Variants in DBN1 observed in about 807,000 individuals in gnomAD.
The protein encoded by DBN1 is drebrin.
A neutral mutation model predicts 83.5 loss-of-function variants in DBN1; 21 were observed. The observed-to-expected ratio is 0.25, with a 90% CI of 0.18 to 0.36. DBN1 has a LOEUF of 0.36. Ranked by LOEUF, DBN1 falls within the 10% of genes least tolerant of loss-of-function variation. The probability of loss-of-function intolerance (pLI) is 1.00; values close to 1 mark genes in which losing one functional copy is unlikely to be tolerated. For synonymous variants in DBN1, 381 were observed against 384.9 expected, an observed-to-expected ratio of 0.99 and a Z score of 0.12; for missense variants, 874 against 935.7, an observed-to-expected ratio of 0.93 and a Z score of 0.86.
At chr5:177,460,333 G>A in intron 10 of DBN1, 99 bp downstream of exon 10, 3 of 1,560,864 alleles carry the variant, frequency 1.9e-6, no homozygotes, top group Non-Finnish European at 2.6e-6. Context: ...CTTCTCCAAG[G>A]GTTGCTTGGG....
chr5:177,467,098 G>C lies in DBN1; in HGVS notation c.556-36C>G. On this transcript the variant is annotated intron_variant, in intron 6 of 14. Coordinates refer to ENST00000393565, the MANE Select transcript of DBN1 (RefSeq NM_001363541.2). This position sits in a 1 kb window ranked among gnomAD's most constrained non-coding sequence, Gnocchi z 9.1. ...CGGTGCGAACAAGGGTAGGCCCCGA[G>C]CCTAGGCGCCTGGACCCTGCCCCTC... The C allele has an allele frequency of 5.6e-6, 9 of 1,612,706 alleles. No individual in the cohort carries two copies. Among genetic ancestry groups the C allele is most frequent in the Non-Finnish European group, 7.6e-6 (9 of 1,179,700 alleles).
intron 8 of DBN1, among the ~76,000 whole-genome samples, chr5:177,463,949 T>C (rs1757225306): frequency 6.6e-6 from 1 of 151,608 alleles, no homozygotes; most frequent in South Asian, 2.1e-4. Context: ...ACCCTGTCTC[T>C]ACTAAAAATA....
chr5:177,472,042 G>GC, intron 1 of DBN1: 1 of 1,499,610 alleles, frequency 6.7e-7, no homozygotes, highest in Non-Finnish European at 8.9e-7. Context: ...CATGATCTCA[G>GC]CCCCCCTGGG....
chr5:177,466,647 C>T lies in DBN1; in HGVS notation c.771+125G>A. The T allele has an allele frequency of 9.1e-7, 1 of 1,095,258 alleles. No individual in the cohort carries two copies. The highest frequency in any genetic ancestry group is 1.4e-6 in the Non-Finnish European group (1 of 713,054). The allele number at this position is 1,095,258 out of a possible 1,614,324, so 67.8% of individuals were successfully genotyped here. On this transcript the variant is annotated intron_variant, in intron 8 of 14. Coordinates refer to ENST00000393565, the MANE Select transcript of DBN1 (RefSeq NM_001363541.2). This position sits in a 1 kb window ranked among gnomAD's most constrained non-coding sequence, Gnocchi z 4.8. ...CCTCATGCTCCATGGCACCCTGTGC[C>T]CATGCAGCTCCCCAGAACAGCCACC...
rs772442544 is a variant in DBN1, at chr5:177,458,174, G to A, written c.1798C>T (p.Leu600=). ...AGAGTTGGGGTCTGGGGGGCAGCCA[G>A]GGACTCCCCTTCCACTTCCTCTGGG... ...CDPEEVEGES[L]AAPQTPTLPS... The change falls in exon 13 of 15, where the codon CTG becomes TTG. Residue 600 remains leucine (L), a synonymous_variant. Coordinates refer to ENST00000393565, the MANE Select transcript of DBN1 (RefSeq NM_001363541.2). 3 of 1,612,840 alleles carry A rather than the reference G, an allele frequency of 1.9e-6. No individual in the cohort carries two copies. The highest frequency in any genetic ancestry group is 1.7e-6 in the Non-Finnish European group (2 of 1,179,732).
chr5:177,461,695 G>A (rs1757055369), intron 8 of DBN1, among the ~76,000 whole-genome samples: 1 of 152,078 alleles, frequency 6.6e-6, no homozygotes, highest in Non-Finnish European at 1.5e-5. Context: ...TTGCTGCCTG[G>A]ACCGTGGCAT....
intron 11 of DBN1, 63 bp from the exon 12 acceptor site, chr5:177,459,331 A>G: frequency 6.4e-7 from 1 of 1,568,146 alleles, no homozygotes; most frequent in Non-Finnish European, 8.5e-7. Flanking sequence ...AGGATTGTCC[A>G]CCTTGGGGCC....
chr5:177,470,132 C>A (rs1173776937), intron 1 of DBN1, among the ~76,000 whole-genome samples: 2 of 152,204 alleles, frequency 1.3e-5, no homozygotes, highest in African/African-American at 2.4e-5. Flanking sequence ...CGGCTTCCTA[C>A]CTCCAGGAAG....
chr5:177,467,676 C>T lies in DBN1; in HGVS notation c.331-49G>A, dbSNP rs374410313. 3.2e-6 allele frequency: 5 copies of T among 1,557,962 alleles called. No homozygotes were observed. Among genetic ancestry groups the T allele is most frequent in the East Asian group, 4.8e-5 (2 of 41,602 alleles). The stretch of plus-strand genomic sequence containing the variant: ...TCAGGCGGCACCATCCTCCCGCCAT[C>T]CCCACCCCAGCACGCAGACCCTGGT... On this transcript the variant is annotated intron_variant, in intron 4 of 14. Coordinates refer to ENST00000393565, the MANE Select transcript of DBN1 (RefSeq NM_001363541.2). This position sits in a 1 kb window ranked among gnomAD's most constrained non-coding sequence, Gnocchi z 9.1.
chr5:177,462,321 G>C, intron 8 of DBN1: 1 of 985,556 alleles, frequency 1.0e-6, no homozygotes, highest in Non-Finnish European at 1.2e-6. Context: ...CAGCATGGGA[G>C]ACTGGCCTCC....
rs1447660222 is a variant in DBN1, at chr5:177,459,259, A to G, written c.1103T>C (p.Leu368Pro). The G allele has an allele frequency of 6.2e-7, 1 of 1,607,072 alleles. No individual in the cohort carries two copies. The highest frequency in any genetic ancestry group is 8.5e-7 in the Non-Finnish European group (1 of 1,179,034). ...NLSSSLPCSHLDSHRRMAPTP... is the reference protein window; with the variant it reads ...NLSSSLPCSHPDSHRRMAPTP... ...GGGCGCCATCCTCCGGTGGCTGTCC[A>G]GGTGGCTGCCTGTGGAACAAACCCC... The change falls in exon 12 of 15, where the codon CTG (leucine) becomes CCG (proline). Residue 368 changes from leucine to proline, a missense_variant. Coordinates refer to ENST00000393565, the MANE Select transcript of DBN1 (RefSeq NM_001363541.2).
Position 177,466,350 on chromosome 5 carries a change from G to GGGAGATGCTGCTCCCAA in DBN1, c.771+405_771+421dup, listed in dbSNP as rs1000306866. On this transcript the variant is annotated intron_variant, in intron 8 of 14. Transcript: ENST00000393565. This position sits in a 1 kb window ranked among gnomAD's most constrained non-coding sequence, Gnocchi z 4.8. ...CCCTGGAACAAAGGGGCTGCTCCCAGGGAGATGCTGCTCCCAAGGAGATGG... is the reference window on the plus strand; with the variant it reads ...CCCTGGAACAAAGGGGCTGCTCCCAGGGAGATGCTGCTCCCAAGGAGATGCTGCTCCCAAGGAGATGG... Among the ~76,000 whole-genome samples the GGGAGATGCTGCTCCCAA allele has an allele frequency of 6.6e-6, 1 of 152,244 alleles. No homozygotes were observed. The highest frequency in any genetic ancestry group is 1.5e-5 in the Non-Finnish European group (1 of 68,042).
chr5:177,457,499 G>C lies in DBN1; in HGVS notation c.2022C>G (p.Ile674Met). 1.2e-6 allele frequency: 2 copies of C among 1,614,050 alleles called. No homozygotes were observed. The highest frequency in any genetic ancestry group is 1.7e-6 in the Non-Finnish European group (2 of 1,179,904). ...PPVFYNKPPEIDITCWDADPV... is the reference protein window; with the variant it reads ...PPVFYNKPPEMDITCWDADPV... ...GGTCTGCATCCCAGCATGTGATGTC[G>C]ATCTCTGTGGCGTTAGAAAGGGAGA... is the stretch of plus-strand genomic sequence containing the variant. The change falls in exon 15 of 15, where the codon ATC becomes ATG. Residue 674 changes from isoleucine (I) to methionine (M), a missense_variant. Transcript: ENST00000393565.
chr5:177,458,625 C>A lies in DBN1; in HGVS notation c.1347G>T (p.Glu449Asp). The A allele has an allele frequency of 6.2e-7, 1 of 1,608,214 alleles. No homozygotes were observed. The highest frequency in any genetic ancestry group is 1.1e-5 in the South Asian group (1 of 90,310). ...GGGGAGGCGCCTGTGCCTGAGGGGG[C>A]TCCTCCATGGGGCCGGCCCAGGCCT... The part of the protein sequence containing the change: ...APQAWAGPME[E>D]PPQAQAPPRG... The change falls in exon 13 of 15, where the codon GAG becomes GAT. Residue 449 changes from glutamate to aspartate, a missense_variant. Glu to Asp is a conservative substitution (Grantham distance 45). Around this residue, in one of 4 missense-constraint regions of DBN1, gnomAD observed 725 missense variants for 719.7 expected, o/e 1.01. Coordinates refer to ENST00000393565, the MANE Select transcript of DBN1 (RefSeq NM_001363541.2).
In DBN1 at chr5:177,460,507, A is replaced by G; in HGVS notation, c.880T>C (p.Phe294Leu). 1 of 1,614,200 alleles carries G rather than the reference A, an allele frequency of 6.2e-7. No individual in the cohort carries two copies. The highest frequency in any genetic ancestry group is 8.5e-7 in the Non-Finnish European group (1 of 1,180,022). The change falls in exon 10 of 15, where the codon TTC becomes CTC. Residue 294 changes from phenylalanine (F) to leucine (L), a missense_variant. Transcript: ENST00000393565. ...GATGCGACTCTTTCCTGCTGCTTGA[A>G]GAACTCCCTTGGGTTGTCAGGCCGC... ...AQRPDNPREF[F>L]KQQERVASAS...
At chr5:177,470,636 T>C (rs1757776356) in intron 1 of DBN1, among the ~76,000 whole-genome samples, 1 of 152,158 alleles carries the variant, frequency 6.6e-6, no homozygotes, top group South Asian at 2.1e-4. Flanking sequence ...AGCCTCTGCC[T>C]ATGTAGTTCT....
intron 8 of DBN1, chr5:177,462,135 G>C (rs1057038201): frequency 7.3e-6 from 6 of 822,538 alleles, no homozygotes; most frequent in Non-Finnish European, 8.8e-6. Context: ...GGTGGGCAGC[G>C]CCCGCACTTG....
Position 177,473,540 on chromosome 5 carries a change from CCGAA to C in DBN1, c.-23_-20del. ...CGGCCATGCTTCGGGCCGGACCGGGCCGAACGGACAGACGCGCGGACGGACGGGC... is the reference window on the plus strand; with the variant it reads ...CGGCCATGCTTCGGGCCGGACCGGGCCGGACAGACGCGCGGACGGACGGGC... On this transcript the variant is annotated 5_prime_UTR_variant, in exon 1 of 15. Coordinates refer to ENST00000393565, the MANE Select transcript of DBN1 (RefSeq NM_001363541.2). The C allele has an allele frequency of 7.2e-7, 1 of 1,379,450 alleles. No individual in the cohort carries two copies. Among genetic ancestry groups the C allele is most frequent in the South Asian group, 1.6e-5 (1 of 64,250 alleles). The allele number at this position is 1,379,450 out of a possible 1,614,324, so 85.5% of individuals were successfully genotyped here.
chr5:177,459,372 G>A (rs1756833999), intron 11 of DBN1, 104 bp from the exon 12 acceptor site: 2 of 1,503,848 alleles, frequency 1.3e-6, no homozygotes, highest in Non-Finnish European at 8.8e-7. Flanking sequence ...GAATCTGGGT[G>A]GGGGCTGGGA....
Sources: gnomAD v4.1 joint callset for allele counts (sites outside exome capture counted in the v4.1 genomes callset) on GRCh38, gnomAD v4.1.1 for gene constraint, gnomAD v4.1.1 regional missense constraint, Gnocchi (gnomAD v3.1) non-coding constraint, MANE v1.5 for transcripts, NCBI Gene and HGNC (gene_info 2026-07-23, HGNC 2026-07-21) for gene names.